The following SH3PXD2A variants were observed in gnomAD, a reference collection of about 807,000 sequenced individuals.
SH3PXD2A encodes the protein SH3 and PX domain-containing protein 2A.
A neutral mutation model predicts 115.2 loss-of-function variants in SH3PXD2A; 32 were observed. That is an observed-to-expected ratio of 0.28 (90% confidence interval 0.21 to 0.37). The LOEUF is 0.37. SH3PXD2A is among the 10% of genes least tolerant of loss of function. The pLI is 1.00. For synonymous variants in SH3PXD2A, 610 were observed against 629.1 expected (o/e 0.97, Z 0.45); for missense variants, 1,328 against 1,498.7 (o/e 0.89, Z 1.88).
chr10:103,655,087 A>C (rs1162193609), intron 8 of SH3PXD2A, among the ~76,000 whole-genome samples: 1 of 152,192 alleles, frequency 6.6e-6, no homozygotes, highest in Non-Finnish European at 1.5e-5. Flanking sequence ...TTGGGCCAAA[A>C]GGGACTCTGC....
chr10:103,651,769 C>G (rs2037127492), intron 8 of SH3PXD2A, among the ~76,000 whole-genome samples: 1 of 152,224 alleles, frequency 6.6e-6, no homozygotes, highest in Admixed American at 6.5e-5. Flanking sequence ...CAAAATCCCC[C>G]CCTCTTAGCT....
At chr10:103,772,537 T>C (rs983890137) in intron 2 of SH3PXD2A, among the ~76,000 whole-genome samples, 1 of 152,232 alleles carries the variant, frequency 6.6e-6, no homozygotes, top group African/African-American at 2.4e-5. Flanking sequence ...ATTTGGCTAA[T>C]GGAGCCCCTC....
intron 2 of SH3PXD2A, among the ~76,000 whole-genome samples, chr10:103,785,672 C>T (rs565368938): frequency 3.3e-5 from 5 of 152,074 alleles, no homozygotes; most frequent in East Asian, 1.9e-4. Context: ...GAGCCACTCT[C>T]GGGAAAGCTG....
chr10:103,614,090 T>A (rs968918749), intron 11 of SH3PXD2A, among the ~76,000 whole-genome samples: 10 of 55,516 alleles, frequency 1.8e-4, no homozygotes, highest in Non-Finnish European at 1.9e-4. Context: ...CAAAAAAAAA[T>A]TTTTTTTTTT....
intron 1 of SH3PXD2A, among the ~76,000 whole-genome samples, chr10:103,806,556 A>G (rs912841609): frequency 4.6e-5 from 7 of 152,196 alleles, no homozygotes; most frequent in Non-Finnish European, 8.8e-5. Context: ...ACAAGCCTGC[A>G]TCGGGGGCCC....
intron 2 of SH3PXD2A, among the ~76,000 whole-genome samples, chr10:103,781,574 G>C (rs1226260907): frequency 6.6e-6 from 1 of 152,224 alleles, no homozygotes; most frequent in African/African-American, 2.4e-5. Flanking sequence ...AAGGTCTATT[G>C]AAACAAACTA....
chr10:103,810,920 G>A (rs572508566), intron 1 of SH3PXD2A, among the ~76,000 whole-genome samples: 3 of 4,668 alleles, frequency 6.4e-4, no homozygotes, highest in East Asian at 2.2e-3. Flanking sequence ...ACACACACAC[G>A]GAGACACACA....
intron 6 of SH3PXD2A, 107 bp from the exon 7 acceptor site, chr10:103,668,759 G>A: frequency 9.9e-7 from 1 of 1,009,994 alleles, no homozygotes; most frequent in Non-Finnish European, 1.5e-6. Context: ...GCCGCGCTCG[G>A]CCAGCCGCGG....
chr10:103,711,971 G>A (rs1292456899), intron 5 of SH3PXD2A, among the ~76,000 whole-genome samples: 2 of 151,990 alleles, frequency 1.3e-5, no homozygotes, highest in Non-Finnish European at 2.9e-5. Context: ...GAGGTGGCCT[G>A]GGACGTCAAG....
rs67772333 is a variant in SH3PXD2A at position 103,614,103 on chromosome 10, T to A, written c.921-913A>T. On this transcript the variant is annotated intron_variant, in intron 11 of 14. Transcript: ENST00000369774. ...ACCAAAAAAAAATTTTTTTTTTTTT[T>A]AATTAGCTGGGTGTGATGGTGCATA... 2.0e-3 allele frequency among the ~76,000 whole-genome samples: 306 copies of A among 150,428 alleles called. 1 individual carries two copies. The highest frequency in any genetic ancestry group is 3.4e-3 in the Middle Eastern group (1 of 292).
In SH3PXD2A at chr10:103,603,494, G is replaced by T. The variant is rs2036252178; in HGVS notation, c.1724C>A (p.Pro575His). The change falls in exon 15 of 15, where the codon CCC becomes CAC. Residue 575 changes from proline (P) to histidine (H), a missense_variant. Pro to His is a moderately conservative substitution (Grantham distance 77). Coordinates refer to ENST00000369774, the MANE Select transcript of SH3PXD2A (RefSeq NM_001394015.1). The part of the protein sequence containing the change: ...FDSEPELSEE[P>H]VEDRASGERR... Reference sequence around the variant, plus strand: ...CTCCCCTGAGGCTCTGTCCTCCACGGGCTCCTCGCTCAGCTCAGGCTCTGA... The same window carrying T: ...CTCCCCTGAGGCTCTGTCCTCCACGTGCTCCTCGCTCAGCTCAGGCTCTGA... 1 of 1,611,436 alleles carries T rather than the reference G, an allele frequency of 6.2e-7. No individual in the cohort carries two copies.
intron 8 of SH3PXD2A, among the ~76,000 whole-genome samples, chr10:103,644,114 C>CAAAAAAAA (rs71019685): frequency 1.4e-5 from 1 of 72,276 alleles, no homozygotes; most frequent in Non-Finnish European, 2.4e-5. Flanking sequence ...GGCTCCATCC[C>CAAAAAAAA]AAAAAAAAAA....
intron 5 of SH3PXD2A, among the ~76,000 whole-genome samples, chr10:103,709,005 A>G (rs1203102950): frequency 6.6e-6 from 1 of 151,850 alleles, no homozygotes. Context: ...TTAACCTTCA[A>G]TTCCCTGGCT....
chr10:103,787,332 CTT>C (rs1227969775), intron 2 of SH3PXD2A, among the ~76,000 whole-genome samples: 2 of 152,340 alleles, frequency 1.3e-5, no homozygotes, highest in East Asian at 3.9e-4. Flanking sequence ...CAGCAGCAGA[CTT>C]TTCTCAATAT....
chr10:103,668,609 T>A lies in SH3PXD2A; in HGVS notation c.471A>T (p.Thr157=). 1 of 1,555,074 alleles carries A rather than the reference T, an allele frequency of 6.4e-7. No individual in the cohort carries two copies. ...ACATGCATGCACGCTGGGCAGTACC[T>A]GTCACGTCCTTCTTGGGCGACTCAG... ...SWAESPKKDV[T]GADATAEPMI... is the part of the protein sequence containing the mutation. The change falls in exon 7 of 15, where the codon ACA becomes ACT. Residue 157 remains threonine, a splice_region_variant and synonymous_variant. Transcript: ENST00000369774.
chr10:103,711,013 GGA>G (rs1313484612), intron 5 of SH3PXD2A, among the ~76,000 whole-genome samples: 1 of 152,142 alleles, frequency 6.6e-6, no homozygotes, highest in Admixed American at 6.5e-5. Flanking sequence ...TCCAGGACTG[GGA>G]GAGAGACAGA....
intron 1 of SH3PXD2A, among the ~76,000 whole-genome samples, chr10:103,815,921 A>AT (rs2039319584): frequency 6.6e-6 from 1 of 152,048 alleles, no homozygotes; most frequent in African/African-American, 2.4e-5. Flanking sequence ...AAAGAAAAAT[A>AT]CTGTATAATC....
chr10:103,843,265 G>A (rs759594195), intron 1 of SH3PXD2A, among the ~76,000 whole-genome samples: 105 of 152,304 alleles, frequency 6.9e-4, no homozygotes, highest in African/African-American at 2.2e-3. Context: ...AGCAGCTGCC[G>A]ATGCTCTGCC....
chr10:103,802,333 A>G (rs970208881), intron 1 of SH3PXD2A, among the ~76,000 whole-genome samples: 1 of 152,208 alleles, frequency 6.6e-6, no homozygotes, highest in African/African-American at 2.4e-5. Flanking sequence ...CTTCTGGATG[A>G]GAAACGGATT....
Sources: allele counts gnomAD v4.1 joint callset (sites outside exome capture counted in the v4.1 genomes callset), GRCh38; gene constraint gnomAD v4.1.1; transcripts MANE v1.5; gene names NCBI Gene and HGNC (gene_info 2026-07-23, HGNC 2026-07-21).